COP1: variants seen among roughly 807,000 people sequenced by gnomAD.
COP1 encodes the protein COP1 E3 ubiquitin ligase.
COP1 carries 24 observed loss-of-function variants against 101.3 expected under a neutral mutation model. That is an observed-to-expected ratio of 0.24 (90% CI 0.17 to 0.33). The LOEUF (loss-of-function observed/expected upper bound fraction) is 0.33. Ranked by LOEUF, COP1 falls within the 10% of genes least tolerant of loss-of-function variation. The pLI, the probability that COP1 is intolerant of heterozygous loss-of-function variation, is 1.00. For synonymous variants in COP1, 347 were observed against 341.9 expected (o/e 1.01, Z -0.17); for missense variants, 663 against 906.2 (o/e 0.73, Z 3.45).
intron 14 of COP1, among the ~76,000 whole-genome samples, chr1:176,038,740 C>T (rs564059064): frequency 2.2e-3 from 341 of 151,974 alleles, no homozygotes; most frequent in Middle Eastern, 6.8e-3. Context: ...ATCGCTTGAA[C>T]CCGGGAGGCG....
At position 176,206,855 on chromosome 1, in the gene COP1, C is replaced by A; in HGVS notation, c.124G>T (p.Val42Phe). Residue 42 changes from valine (V) to phenylalanine (F), a missense_variant, in exon 1 of 20, where the codon GTT (valine) becomes TTT (phenylalanine). By Grantham distance (50) the Val-to-Phe change is conservative. Around this residue, in one of 4 missense-constraint regions of COP1, gnomAD observed 204 missense variants for 203.6 expected, o/e 1.00. Transcript: ENST00000367669. Reference protein sequence around the residue: ...SSSPSPPSVAVSAAALVSGGV... With the variant: ...SSSPSPPSVAFSAAALVSGGV... ...CCGGACACCAGCGCTGCCGCCGAAA[C>A]CGCCACGGAAGGCGGCGACGGGGAA... 7.0e-7 allele frequency: 1 copy of A among 1,434,398 alleles called. No homozygotes were observed. 88.9% of individuals were successfully genotyped at this position (1,434,398 alleles called of 1,614,324 possible). A position where few individuals can be genotyped will look rare whatever the true frequency, so the allele number is the denominator to read the frequency against.
At chr1:176,057,715 C>T (rs1184022113) in intron 11 of COP1, among the ~76,000 whole-genome samples, 3 of 152,194 alleles carry the variant, frequency 2.0e-5, no homozygotes, top group Non-Finnish European at 4.4e-5. Context: ...CCTGCCTTGG[C>T]CTCCCAAAGT....
In COP1 at chr1:176,107,487, G is replaced by A. The variant is rs993590675; in HGVS notation, c.1026+9137C>T. Among the ~76,000 whole-genome samples the A allele has an allele frequency of 8.5e-5, 13 of 152,116 alleles. 1 individual carries two copies. The highest frequency in any genetic ancestry group is 2.9e-4 in the African/African-American group (12 of 41,498). On this transcript the variant is annotated intron_variant, in intron 9 of 19. Coordinates refer to ENST00000367669, the MANE Select transcript of COP1 (RefSeq NM_022457.7). Reference sequence around the variant, plus strand: ...AGTCAGTATGAAGGAGCTCCAACTAGCCAAATACAAGATGATTTGAGTTTC... The same window carrying A: ...AGTCAGTATGAAGGAGCTCCAACTAACCAAATACAAGATGATTTGAGTTTC...
chr1:176,175,859 A>G lies in COP1; in HGVS notation c.565+51T>C, dbSNP rs751683472. 19 of 1,082,036 alleles carry G rather than the reference A, an allele frequency of 1.8e-5. No individual in the cohort carries two copies. In the Admixed American group the frequency reaches 3.5e-4, roughly 20 times the overall value. The allele number at this position is 1,082,036 out of a possible 1,614,324, so 67.0% of individuals were successfully genotyped here. On this transcript the variant is annotated intron_variant, in intron 3 of 19. Transcript: ENST00000367669. ...TCTGAATAAATTAGCGCTAGCACAC[A>G]ATTTTGGGGATCGAAATATTTTTAA...
intron 11 of COP1, among the ~76,000 whole-genome samples, chr1:176,068,490 G>C (rs1676402731): frequency 6.6e-6 from 1 of 152,166 alleles, no homozygotes; most frequent in Admixed American, 6.5e-5. Flanking sequence ...AAGTCTGAAA[G>C]GGTAAGAACG....
intron 1 of COP1, among the ~76,000 whole-genome samples, chr1:176,186,129 C>T (rs1257889254): frequency 1.3e-5 from 2 of 151,940 alleles, no homozygotes; most frequent in African/African-American, 2.4e-5. Context: ...GCAGGAGGAA[C>T]GGCAAAAGAA....
intron 10 of COP1, among the ~76,000 whole-genome samples, chr1:176,081,570 T>C (rs1679166816): frequency 6.6e-6 from 1 of 151,880 alleles, no homozygotes. Context: ...ATAATAAAGC[T>C]ACTATTTAAG....
intron 5 of COP1, among the ~76,000 whole-genome samples, chr1:176,159,729 T>G (rs1041509237): frequency 3.7e-4 from 57 of 152,334 alleles, no homozygotes; most frequent in Non-Finnish European, 2.6e-4. Flanking sequence ...TATAAACCTC[T>G]AATTTATGCA....
chr1:176,175,847 G>A, intron 3 of COP1, 63 bp downstream of exon 3: 1 of 896,160 alleles, frequency 1.1e-6, no homozygotes, highest in Non-Finnish European at 1.8e-6. Context: ...GAATAAATTA[G>A]CGCTAGCACA....
rs765186257 is a variant in COP1, at chr1:176,206,878, G to A, written c.101C>T (p.Ser34Phe). 3.8e-5 allele frequency: 55 copies of A among 1,448,948 alleles called. No homozygotes were observed. Among genetic ancestry groups the A allele is most frequent in the Middle Eastern group, 4.8e-4 (2 of 4,162 alleles). 89.8% of individuals were successfully genotyped at this position (1,448,948 alleles called of 1,614,324 possible). A position where few individuals can be genotyped will look rare whatever the true frequency, so the allele number is the denominator to read the frequency against. Residue 34 changes from serine (S) to phenylalanine (F), a missense_variant, in exon 1 of 20, where the codon TCC becomes TTC. Ser to Phe is a radical substitution (Grantham distance 155). Coordinates refer to ENST00000367669, the MANE Select transcript of COP1 (RefSeq NM_022457.7). ...VTSASSSLSS[S>F]PSPPSVAVSA... ...AACCGCCACGGAAGGCGGCGACGGGGAAGAGGATAAAGACGAGGAGGCGGA... is the reference window on the plus strand; with the variant it reads ...AACCGCCACGGAAGGCGGCGACGGGAAAGAGGATAAAGACGAGGAGGCGGA...
chr1:176,109,524 CATT>C (rs1449131400), intron 9 of COP1, among the ~76,000 whole-genome samples: 1 of 152,056 alleles, frequency 6.6e-6, no homozygotes, highest in African/African-American at 2.4e-5. Context: ...GTAAATTCAT[CATT>C]AACTTCTGAA....
At chr1:176,140,949 G>A (rs547223976) in intron 6 of COP1, among the ~76,000 whole-genome samples, 11 of 152,184 alleles carry the variant, frequency 7.2e-5, no homozygotes, top group African/African-American at 9.6e-5. Flanking sequence ...AACATTTAAC[G>A]TAAAGGTAAA....
intron 18 of COP1, among the ~76,000 whole-genome samples, chr1:175,975,845 A>C (rs1270012945): frequency 6.6e-6 from 1 of 152,222 alleles, no homozygotes; most frequent in Non-Finnish European, 1.5e-5. Flanking sequence ...CTCTATTCTA[A>C]GATGATTAGG....
intron 5 of COP1, among the ~76,000 whole-genome samples, chr1:176,151,247 GA>G (rs1421201179): frequency 7.0e-6 from 1 of 143,470 alleles, no homozygotes; most frequent in Non-Finnish European, 1.5e-5. Flanking sequence ...TATTTAGAAA[GA>G]AAGAAAGAGA....
chr1:176,083,310 T>G (rs986949082), intron 10 of COP1, among the ~76,000 whole-genome samples: 1 of 152,222 alleles, frequency 6.6e-6, no homozygotes. Flanking sequence ...CATTCAATAT[T>G]GTGTATTCTG....
intron 9 of COP1, among the ~76,000 whole-genome samples, chr1:176,107,227 A>G (rs1684478259): frequency 6.6e-6 from 1 of 152,176 alleles, no homozygotes; most frequent in Non-Finnish European, 1.5e-5. Context: ...ATATGAATAC[A>G]TATATTTCCT....
At chr1:175,960,915 T>C (rs1311659585) in intron 18 of COP1, among the ~76,000 whole-genome samples, 2 of 152,218 alleles carry the variant, frequency 1.3e-5, no homozygotes, top group African/African-American at 2.4e-5. Flanking sequence ...TGTGAGTCGG[T>C]TGACTGAGTG....
At chr1:176,049,172 C>T (rs1672068801) in intron 11 of COP1, among the ~76,000 whole-genome samples, 1 of 77,554 alleles carries the variant, frequency 1.3e-5, no homozygotes, top group Non-Finnish European at 2.9e-5. Flanking sequence ...GAGCGAGACT[C>T]CGTCTCAAAA....
intron 18 of COP1, among the ~76,000 whole-genome samples, chr1:175,950,563 G>A (rs1649759148): frequency 6.6e-6 from 1 of 151,990 alleles, no homozygotes; most frequent in African/African-American, 2.4e-5. Context: ...GGTCTGCTAG[G>A]GCCTACTATA....
Sources: gnomAD v4.1 joint callset for allele counts (sites outside exome capture counted in the v4.1 genomes callset) on GRCh38, gnomAD v4.1.1 for gene constraint, gnomAD v4.1.1 regional missense constraint, MANE v1.5 for transcripts, NCBI Gene and HGNC (gene_info 2026-07-23, HGNC 2026-07-21) for gene names.